NRG3: variants seen among roughly 807,000 people sequenced by gnomAD.
NRG3 encodes pro-neuregulin-3, membrane-bound isoform.
NRG3 carries 31 observed loss-of-function variants against 66.9 expected under a neutral mutation model. The observed-to-expected ratio is 0.46, with a 90% confidence interval of 0.35 to 0.63. The LOEUF (loss-of-function observed/expected upper bound fraction) is 0.63, where lower values mean the gene tolerates loss of function less well. NRG3 is among the 20% of genes least tolerant of loss of function. NRG3 has a pLI of 0.00. For synonymous variants in NRG3, 393 were observed against 359.4 expected (o/e 1.09, Z -1.06); for missense variants, 910 against 878.9 (o/e 1.04, Z -0.45).
intron 2 of NRG3, among the ~76,000 whole-genome samples, chr10:82,504,178 G>A (rs1427112492): frequency 7.9e-5 from 12 of 152,178 alleles, no homozygotes; most frequent in Admixed American, 4.6e-4. Flanking sequence ...CTATAACTCT[G>A]TGCCCTTCAT....
chr10:82,850,757 G>A (rs1389942694), intron 3 of NRG3, among the ~76,000 whole-genome samples: 2 of 145,766 alleles, frequency 1.4e-5, no homozygotes, highest in East Asian at 3.9e-4. Context: ...TTAAAATAAA[G>A]TAAAATGTAA....
At chr10:82,963,836 G>T (rs1288472125) in intron 6 of NRG3, among the ~76,000 whole-genome samples, 1 of 152,136 alleles carries the variant, frequency 6.6e-6, no homozygotes, top group Non-Finnish European at 1.5e-5. Flanking sequence ...TTTGGTGGGG[G>T]TGAGTGACTA....
At chr10:82,309,829 A>C (rs57414261) in intron 1 of NRG3, among the ~76,000 whole-genome samples, 1 of 152,208 alleles carries the variant, frequency 6.6e-6, no homozygotes. Context: ...TTCTAAGCCA[A>C]CATGTAAACT....
At chr10:82,495,296 T>C (rs143698411) in intron 2 of NRG3, among the ~76,000 whole-genome samples, 79 of 152,312 alleles carry the variant, frequency 5.2e-4, no homozygotes, top group African/African-American at 1.6e-3. Context: ...ATCCCTCTTA[T>C]GGTTTTAAAG....
chr10:82,481,552 A>G (rs1288244091), intron 2 of NRG3, among the ~76,000 whole-genome samples: 1 of 152,236 alleles, frequency 6.6e-6, no homozygotes, highest in South Asian at 2.1e-4. Flanking sequence ...ATTCATTTAC[A>G]TATTAACATT....
chr10:82,303,937 T>G (rs998116308), intron 1 of NRG3, among the ~76,000 whole-genome samples: 1 of 152,144 alleles, frequency 6.6e-6, no homozygotes, highest in African/African-American at 2.4e-5. Flanking sequence ...CTTATGGATG[T>G]TTAGCTTGTT....
chr10:82,504,046 C>T (rs1176820664), intron 2 of NRG3, among the ~76,000 whole-genome samples: 3 of 152,154 alleles, frequency 2.0e-5, no homozygotes, highest in Non-Finnish European at 2.9e-5. Flanking sequence ...GAAGATGAAC[C>T]AAAGCTGACA....
chr10:82,408,229 C>T (rs182480487), intron 2 of NRG3, among the ~76,000 whole-genome samples: 1 of 152,212 alleles, frequency 6.6e-6, no homozygotes, highest in Non-Finnish European at 1.5e-5. Flanking sequence ...AGGACAGGTA[C>T]TTAAAGTGGT....
At chr10:82,276,541 G>T (rs1377166689) in intron 1 of NRG3, among the ~76,000 whole-genome samples, 3 of 151,968 alleles carry the variant, frequency 2.0e-5, no homozygotes, top group Admixed American at 1.3e-4. Flanking sequence ...TTGTCACAAA[G>T]AAATGAAACA....
rs566902345 is a variant in NRG3 at position 82,311,096 on chromosome 10, A to G, written c.824-47643A>G. Among the ~76,000 whole-genome samples, 39 of 141,038 alleles carry G rather than the reference A, an allele frequency of 2.8e-4. 3 individuals carry two copies. Among genetic ancestry groups the G allele is most frequent in the African/African-American group, 1.1e-3 (38 of 33,530 alleles). 92.5% of individuals were successfully genotyped at this position (141,038 alleles called of 152,430 possible). A position where few individuals can be genotyped will look rare whatever the true frequency, so the allele number is the denominator to read the frequency against. On this transcript the variant is annotated intron_variant, in intron 1 of 8. Coordinates refer to ENST00000372141, the MANE Select transcript of NRG3 (RefSeq NM_001010848.4). ...CTCCTCCCCTGGTTACTGATGAGGT[A>G]TTACTCTCTGAGTTGCTCTAAGATT...
intron 1 of NRG3, among the ~76,000 whole-genome samples, chr10:82,325,525 T>C (rs1488600174): frequency 6.6e-6 from 1 of 152,218 alleles, no homozygotes; most frequent in Non-Finnish European, 1.5e-5. Flanking sequence ...TTTTCATTTA[T>C]GCTTTTAGCC....
chr10:82,240,938 A>T (rs1156486621), intron 1 of NRG3, among the ~76,000 whole-genome samples: 1 of 152,078 alleles, frequency 6.6e-6, no homozygotes, highest in Non-Finnish European at 1.5e-5. Flanking sequence ...ACAATGTTTT[A>T]TTCTTATAAT....
At chr10:82,304,994 T>C (rs1564772914) in intron 1 of NRG3, among the ~76,000 whole-genome samples, 1 of 127,376 alleles carries the variant, frequency 7.9e-6, no homozygotes, top group African/African-American at 3.0e-5. Context: ...TTTTTTTTTT[T>C]TTTTTTTTTT....
chr10:82,874,569 A>C (rs1002964723), intron 4 of NRG3, among the ~76,000 whole-genome samples: 1 of 152,166 alleles, frequency 6.6e-6, no homozygotes, highest in African/African-American at 2.4e-5. Flanking sequence ...TAGTTTTGCT[A>C]GTGTGCCCTT....
At chr10:82,499,045 G>T (rs1012361525) in intron 2 of NRG3, among the ~76,000 whole-genome samples, 2 of 152,068 alleles carry the variant, frequency 1.3e-5, no homozygotes, top group South Asian at 4.1e-4. Context: ...AAGCCCATTT[G>T]AAAAGGAAAT....
At chr10:82,677,047 T>A (rs1237513750) in intron 2 of NRG3, among the ~76,000 whole-genome samples, 1 of 140,820 alleles carries the variant, frequency 7.1e-6, no homozygotes. Flanking sequence ...TCTTTCTTTC[T>A]CTCTCTCTCT....
At chr10:82,606,173 A>G (rs1590848820) in intron 2 of NRG3, among the ~76,000 whole-genome samples, 1 of 152,234 alleles carries the variant, frequency 6.6e-6, no homozygotes, top group East Asian at 1.9e-4. Context: ...AATGCTATAA[A>G]TTTACTGCTA....
At chr10:82,350,835 G>A (rs571825496) in intron 1 of NRG3, among the ~76,000 whole-genome samples, 1 of 152,158 alleles carries the variant, frequency 6.6e-6, no homozygotes, top group Non-Finnish European at 1.5e-5. Context: ...AAGACTCAAT[G>A]GAGTTTTAGC....
At chr10:82,139,014 T>G (rs576646781) in intron 1 of NRG3, among the ~76,000 whole-genome samples, 1 of 152,148 alleles carries the variant, frequency 6.6e-6, no homozygotes, top group Non-Finnish European at 1.5e-5. Context: ...AACAATACTT[T>G]GCATCTTTCA....
Sources: gnomAD v4.1 joint callset for allele counts (sites outside exome capture counted in the v4.1 genomes callset) on GRCh38, gnomAD v4.1.1 for gene constraint, MANE v1.5 for transcripts, NCBI Gene and HGNC (gene_info 2026-07-23, HGNC 2026-07-21) for gene names.